JAKMIP3: variants seen among roughly 807,000 people sequenced by gnomAD.
JAKMIP3 encodes the protein Janus kinase and microtubule interacting protein 3.
A neutral mutation model predicts 118.5 loss-of-function variants in JAKMIP3; 58 were observed. The ratio of observed to expected loss-of-function variants is 0.49; its 90% CI spans 0.40 to 0.61. The LOEUF is 0.61. Among genes scored for constraint, JAKMIP3 ranks in the 20% least tolerant of loss-of-function variants. The pLI is 0.00. For missense variants in JAKMIP3, 950 were observed against 1,109.0 expected (o/e 0.86, Z 2.04); for synonymous variants, 486 against 451.2 (o/e 1.08, Z -0.98).
chr10:132,160,247 CTCA>C (rs1315944458), intron 19 of JAKMIP3, among the ~76,000 whole-genome samples: 1 of 5,962 alleles, frequency 1.7e-4, no homozygotes, highest in Non-Finnish European at 2.4e-4. Flanking sequence ...GGGGGGGCCT[CTCA>C]CTGTGTGATG....
intron 6 of JAKMIP3, 22 bp downstream of exon 6, chr10:132,136,098 C>T (rs746905951): frequency 1.4e-5 from 22 of 1,610,654 alleles, no homozygotes; most frequent in South Asian, 3.3e-5. Flanking sequence ...GGGGGCTCCA[C>T]GGGGCCACGG....
intron 20 of JAKMIP3, 37 bp from the exon 21 acceptor site, chr10:132,164,633 G>A (rs1270596111): frequency 8.1e-6 from 11 of 1,352,368 alleles, no homozygotes; most frequent in South Asian, 3.5e-5. Flanking sequence ...CCCGAGTACT[G>A]TGACTATTGA....
chr10:132,094,528 C>T (rs2043579451), intron 1 of JAKMIP3, among the ~76,000 whole-genome samples: 1 of 152,092 alleles, frequency 6.6e-6, no homozygotes, highest in African/African-American at 2.4e-5. Context: ...TGTTATCTCT[C>T]TTCTGGGTCC....
At chr10:132,100,434 G>A (rs1177454768) in intron 1 of JAKMIP3, among the ~76,000 whole-genome samples, 1 of 97,128 alleles carries the variant, frequency 1.0e-5, no homozygotes. Context: ...CAGTCGCCCC[G>A]TCTGCCTCCC....
intron 14 of JAKMIP3, 106 bp from the exon 15 acceptor site, chr10:132,149,306 T>A (rs929671283): frequency 6.9e-6 from 5 of 719,922 alleles, no homozygotes. Context: ...GCTGTGTTGA[T>A]CCCTGGTTCC....
chr10:132,109,133 C>CAT (rs138646130), intron 2 of JAKMIP3, among the ~76,000 whole-genome samples: 1,486 of 117,252 alleles, frequency 0.013, 69 homozygotes, highest in African/African-American at 0.041. Context: ...TACACACACA[C>CAT]ATATATATAT....
intron 1 of JAKMIP3, among the ~76,000 whole-genome samples, chr10:132,052,312 G>A (rs1035708999): frequency 2.6e-5 from 4 of 152,170 alleles, no homozygotes; most frequent in Non-Finnish European, 5.9e-5. Flanking sequence ...AAATGTCTTC[G>A]TTTGACCTTG....
chr10:132,181,401 C>A (rs1047984823), intron 23 of JAKMIP3: 1 of 152,152 alleles, frequency 6.6e-6, no homozygotes, highest in Non-Finnish European at 1.5e-5. Context: ...TCCAGATCCC[C>A]GGCCCTTCTC....
chr10:132,072,199 C>A (rs2040076179), intron 1 of JAKMIP3, among the ~76,000 whole-genome samples: 1 of 152,078 alleles, frequency 6.6e-6, no homozygotes, highest in Non-Finnish European at 1.5e-5. Flanking sequence ...AGCCACCACA[C>A]CTGGCCTAAA....
At chr10:132,113,809 T>C (rs2047218954) in intron 2 of JAKMIP3, among the ~76,000 whole-genome samples, 1 of 152,254 alleles carries the variant, frequency 6.6e-6, no homozygotes, top group Non-Finnish European at 1.5e-5. Flanking sequence ...GGATGTGAGA[T>C]GGACCTGGCA....
chr10:132,141,800 ACC>A (rs558734668), intron 10 of JAKMIP3, 118 bp from the exon 11 acceptor site: 1 of 1,140,612 alleles, frequency 8.8e-7, no homozygotes, highest in Non-Finnish European at 1.2e-6. Flanking sequence ...TGCTAGAGAG[ACC>A]CCCCCATACA....
chr10:132,184,151 C>T lies in JAKMIP3; in HGVS notation c.*2898C>T, dbSNP rs2061679242. 1.3e-5 allele frequency: 2 copies of T among 152,204 alleles called. No homozygotes were observed. Among genetic ancestry groups the T allele is most frequent in the Middle Eastern group, 3.2e-3 (1 of 316 alleles). The allele number at this position is 152,204 out of a possible 1,614,324, so 9.4% of individuals were successfully genotyped here. ...ACTTTAGTTTGTCTAAAGTAAAAAT[C>T]CACATAAATAGCAGATTCCTTTGTT... On this transcript the variant is annotated 3_prime_UTR_variant, in exon 24 of 24. Coordinates refer to ENST00000684848, the MANE Select transcript of JAKMIP3 (RefSeq NM_001323087.2).
At position 132,140,442 on chromosome 10, in the gene JAKMIP3, G is replaced by C. The variant is rs756973826; in HGVS notation, c.1345-9G>C. 3 of 1,613,434 alleles carry C rather than the reference G, an allele frequency of 1.9e-6. No homozygotes were observed. The highest frequency in any genetic ancestry group is 2.5e-6 in the Non-Finnish European group (3 of 1,179,824). On this transcript the variant is annotated splice_polypyrimidine_tract_variant and intron_variant, in intron 9 of 23. Coordinates refer to ENST00000684848, the MANE Select transcript of JAKMIP3 (RefSeq NM_001323087.2). ...GGTTTGAACTGACACGTCGCATTTT[G>C]GTCACAAGCCGGTGGTTGTGGAGAC... is the stretch of plus-strand genomic sequence containing the variant.
At chr10:132,132,532 G>T (rs2050837138) in intron 3 of JAKMIP3, among the ~76,000 whole-genome samples, 1 of 142,332 alleles carries the variant, frequency 7.0e-6, no homozygotes, top group East Asian at 2.5e-4. Context: ...CATAGGTTGA[G>T]CACAAAGCGC....
At chr10:132,110,189 G>T (rs1299977294) in intron 2 of JAKMIP3, among the ~76,000 whole-genome samples, 1 of 152,230 alleles carries the variant, frequency 6.6e-6, no homozygotes, top group Admixed American at 6.5e-5. Flanking sequence ...GCCTGGAGGG[G>T]ACAGGCAGCC....
At chr10:132,071,262 C>A (rs1322867873) in intron 1 of JAKMIP3, among the ~76,000 whole-genome samples, 2 of 150,742 alleles carry the variant, frequency 1.3e-5, no homozygotes, top group Non-Finnish European at 2.9e-5. Context: ...TTCTTTTTGG[C>A]CAGAGAACGT....
In JAKMIP3 at chr10:132,154,031, T is replaced by C. The variant is rs771547379; in HGVS notation, c.2220+41T>C. The C allele has an allele frequency of 2.7e-5, 43 of 1,594,526 alleles. No homozygotes were observed. In the South Asian group the frequency reaches 4.4e-4, roughly 16 times the overall value. ...CTGCTGGAACCCCGGGGAGGGGCAC[T>C]GGGCTGAAACGGCCACGTGGCTCAG... On this transcript the variant is annotated intron_variant, in intron 19 of 23. Transcript: ENST00000684848.
At position 132,173,361 on chromosome 10, in the gene JAKMIP3, C is replaced by T. The variant is rs370616908; in HGVS notation, c.*1103+4328C>T. The stretch of plus-strand genomic sequence containing the variant: ...GACACTGGCGGTAGCAGATACTTGG[C>T]GCTTGCTGTCTGCAATGTACCTGCT... On this transcript the variant is annotated intron_variant, in intron 23 of 23. Coordinates refer to ENST00000684848, the MANE Select transcript of JAKMIP3 (RefSeq NM_001323087.2). Among the ~76,000 whole-genome samples, 250 of 150,888 alleles carry T rather than the reference C, an allele frequency of 1.7e-3. 1 individual carries two copies. The highest frequency in any genetic ancestry group is 5.8e-3 in the African/African-American group (237 of 40,956).
In JAKMIP3 at chr10:132,057,075, A is replaced by T. The variant is rs377260220; in HGVS notation, c.-138+20337A>T. 9.2e-5 allele frequency among the ~76,000 whole-genome samples: 14 copies of T among 151,976 alleles called. No homozygotes were observed. In the East Asian group the frequency reaches 2.1e-3, roughly 23 times the overall value. Reference sequence around the variant, plus strand: ...CATCCCAAGCGGAGCTCAGACAAGGACCTGTGTGTAGCATGTGGTATTTTA... The same window carrying T: ...CATCCCAAGCGGAGCTCAGACAAGGTCCTGTGTGTAGCATGTGGTATTTTA... On this transcript the variant is annotated intron_variant, in intron 1 of 23. Transcript: ENST00000657785.
Sources: gnomAD v4.1 joint callset for allele counts (sites outside exome capture counted in the v4.1 genomes callset) on GRCh38, gnomAD v4.1.1 for gene constraint, MANE v1.5 for transcripts, NCBI Gene and HGNC (gene_info 2026-07-23, HGNC 2026-07-21) for gene names.